The following ZNF391 variants were observed in gnomAD, a reference collection of about 807,000 sequenced individuals.
The protein encoded by ZNF391 is zinc finger protein 391.
For missense variants in ZNF391, 375 were observed against 425.5 expected, an observed-to-expected ratio of 0.88 and a Z score of 1.04; for synonymous variants, 126 against 142.1, an observed-to-expected ratio of 0.89 and a Z score of 0.80.
In ZNF391 at chr6:27,392,842, A is replaced by G. The variant is rs147066869; in HGVS notation, c.-188+3767A>G. 5.9e-3 allele frequency among the ~76,000 whole-genome samples: 897 copies of G among 152,360 alleles called. 7 individuals are homozygous for G. Among genetic ancestry groups the G allele is most frequent in the Middle Eastern group, 0.02 (6 of 294 alleles). Reference sequence around the variant, plus strand: ...TTATTACTTGGCCTTGTGCCAAATTACTTAACTTCTCTGTACTTCACACTA... The same window carrying G: ...TTATTACTTGGCCTTGTGCCAAATTGCTTAACTTCTCTGTACTTCACACTA... On this transcript the variant is annotated intron_variant, in intron 1 of 2. Coordinates refer to ENST00000244576, the MANE Select transcript of ZNF391 (RefSeq NM_001076781.3).
intron 1 of ZNF391, among the ~76,000 whole-genome samples, chr6:27,399,126 A>G (rs999278467): frequency 1.3e-5 from 2 of 152,232 alleles, no homozygotes; most frequent in African/African-American, 4.8e-5. Flanking sequence ...ACATGAACGT[A>G]TTAAAATACA....
At chr6:27,387,843 C>CT (rs1176538367), upstream of ZNF391, among the ~76,000 whole-genome samples, 2 of 152,152 alleles carry the variant, frequency 1.3e-5, no homozygotes, top group Non-Finnish European at 2.9e-5. Flanking sequence ...TACTGTATGA[C>CT]TTTAAAATGG....
chr6:27,389,423 G>A, intron 1 of ZNF391: 1 of 456,220 alleles, frequency 2.2e-6, no homozygotes, highest in Non-Finnish European at 4.4e-6. Context: ...GTTTTTACCT[G>A]CATTAACTCA....
At chr6:27,390,688 T>C (rs1761688316) in intron 1 of ZNF391, among the ~76,000 whole-genome samples, 3 of 152,210 alleles carry the variant, frequency 2.0e-5, no homozygotes, top group African/African-American at 7.2e-5. Flanking sequence ...GGGAGACTCA[T>C]AAATCCTCTG....
In ZNF391 at chr6:27,401,185, C is replaced by A. The variant is rs1221739240; in HGVS notation, c.815C>A (p.Thr272Asn). The change falls in exon 3 of 3, where the codon ACT becomes AAT. Residue 272 changes from threonine to asparagine, a missense_variant. Thr to Asn is a moderately conservative substitution (Grantham distance 65). Transcript: ENST00000244576. ...SSLTEHQRTH[T>N]GENPYECSEC... ...CTTACTGAACATCAGAGAACACACACTGGGGAGAACCCCTATGAGTGCAGT... is the reference window on the plus strand; with the variant it reads ...CTTACTGAACATCAGAGAACACACAATGGGGAGAACCCCTATGAGTGCAGT... 6.2e-7 allele frequency: 1 copy of A among 1,614,166 alleles called. No individual in the cohort carries two copies. Among genetic ancestry groups the A allele is most frequent in the Non-Finnish European group, 8.5e-7 (1 of 1,180,012 alleles).
intron 2 of ZNF391, 37 bp from the exon 3 acceptor site, chr6:27,400,256 A>T: frequency 1.2e-6 from 1 of 861,610 alleles, no homozygotes; most frequent in Non-Finnish European, 1.8e-6. Flanking sequence ...TCTCCATAGT[A>T]GATACAGATG....
chr6:27,386,301 T>C (rs1761581185), upstream of ZNF391, among the ~76,000 whole-genome samples: 1 of 152,184 alleles, frequency 6.6e-6, no homozygotes, highest in Admixed American at 6.5e-5. Flanking sequence ...GTTCATGGGT[T>C]GGAAGACTAA....
At chr6:27,396,268 A>AAT (rs541610857) in intron 1 of ZNF391, among the ~76,000 whole-genome samples, 75 of 152,350 alleles carry the variant, frequency 4.9e-4, no homozygotes, top group South Asian at 1.4e-3. Flanking sequence ...TATGCATTTC[A>AAT]GCATGTAAAT....
At chr6:27,383,270 G>T (rs774302117) in intron 1 of ZNF391, among the ~76,000 whole-genome samples, 11 of 151,480 alleles carry the variant, frequency 7.3e-5, no homozygotes, top group Non-Finnish European at 1.3e-4. Context: ...GACAAAGACA[G>T]GGGGTGGGGA....
chr6:27,383,113 C>T (rs1424467822), intron 1 of ZNF391, among the ~76,000 whole-genome samples: 1 of 151,480 alleles, frequency 6.6e-6, no homozygotes, highest in Non-Finnish European at 1.5e-5. Context: ...GAGCCAGACC[C>T]TGTCTCAAAA....
intron 1 of ZNF391, among the ~76,000 whole-genome samples, chr6:27,389,706 A>T (rs1391951941): frequency 6.6e-6 from 1 of 152,158 alleles, no homozygotes; most frequent in African/African-American, 2.4e-5. Context: ...CGGGAGGCTG[A>T]GGCAGGAGAA....
At chr6:27,381,125 T>C (rs1761494694) in intron 1 of ZNF391, among the ~76,000 whole-genome samples, 1 of 152,124 alleles carries the variant, frequency 6.6e-6, no homozygotes, top group Non-Finnish European at 1.5e-5. Flanking sequence ...GGGGCGGCGC[T>C]CATCGGGGAG....
At chr6:27,397,063 T>G (rs2113657671) in intron 1 of ZNF391, among the ~76,000 whole-genome samples, 1 of 152,324 alleles carries the variant, frequency 6.6e-6, no homozygotes, top group East Asian at 1.9e-4. Context: ...AAATAATGTG[T>G]TAGGCCATTC....
chr6:27,395,372 C>T lies in ZNF391; in HGVS notation c.-187-4070C>T, dbSNP rs1761802548. ...TGTGTAAAAGCGTGTCATCTCCCTG[C>T]CTGCCTTGCTCCTGCTTTCCCTATG... On this transcript the variant is annotated intron_variant, in intron 1 of 2. Coordinates refer to ENST00000244576, the MANE Select transcript of ZNF391 (RefSeq NM_001076781.3). Among the ~76,000 whole-genome samples, 3 of 151,734 alleles carry T rather than the reference C, an allele frequency of 2.0e-5. No homozygotes were observed. In the South Asian group the frequency reaches 6.3e-4, roughly 32 times the overall value.
intron 1 of ZNF391, among the ~76,000 whole-genome samples, chr6:27,383,390 A>G (rs1761537887): frequency 6.6e-6 from 1 of 152,230 alleles, no homozygotes; most frequent in Non-Finnish European, 1.5e-5. Context: ...GAGAACACTG[A>G]GCAAAATAAA....
At chr6:27,375,251 C>A (rs1183329719) in intron 1 of ZNF391, 2 of 152,422 alleles carry the variant, frequency 1.3e-5, no homozygotes. Flanking sequence ...GGCTCTTGTC[C>A]GCAGACTACA....
Position 27,401,323 on chromosome 6 carries a change from C to G in ZNF391, c.953C>G (p.Ser318Ter). ...RVCGKGFSRS[S>*]SLIIHQRTHT... ...TGTGGAAAGGGCTTCAGTCGAAGCT[C>G]ATCCCTTATTATTCATCAGAGAACT... Residue 318 changes from serine to a stop codon, truncating the protein, a stop_gained, in exon 3 of 3, where the codon TCA becomes TGA. Coordinates refer to ENST00000244576, the MANE Select transcript of ZNF391 (RefSeq NM_001076781.3). LOFTEE classifies it low-confidence loss of function (END_TRUNC). 6.2e-7 allele frequency: 1 copy of G among 1,614,130 alleles called. No individual in the cohort carries two copies. Among genetic ancestry groups the G allele is most frequent in the Non-Finnish European group, 8.5e-7 (1 of 1,180,016 alleles).
Position 27,403,232 on chromosome 6 carries a change from C to T in ZNF391, c.*1785C>T, listed in dbSNP as rs3734575. Reference sequence around the variant, plus strand: ...GGTCTTTCATAGTTTGATCTACTTACTTACTTCCTTTCTCTTCTCAAAGAT... The same window carrying T: ...GGTCTTTCATAGTTTGATCTACTTATTTACTTCCTTTCTCTTCTCAAAGAT... On this transcript the variant is annotated 3_prime_UTR_variant, in exon 3 of 3. Transcript: ENST00000244576. 108,186 of 151,976 alleles carry T rather than the reference C, an allele frequency of 0.71. 38,702 individuals carry two copies. Among genetic ancestry groups the T allele is most frequent in the Middle Eastern group, 0.82 (241 of 294 alleles). 9.4% of individuals were successfully genotyped at this position (151,976 alleles called of 1,614,324 possible).
At position 27,389,076 on chromosome 6, in the gene ZNF391, G is replaced by A. The variant is rs1389631155; in HGVS notation, c.-188+1G>A. On this transcript the variant is annotated splice_donor_variant, in intron 1 of 2. Coordinates refer to ENST00000244576, the MANE Select transcript of ZNF391 (RefSeq NM_001076781.3). LOFTEE classifies it low-confidence loss of function (5UTR_SPLICE). ...AGGCTTACAGGGCCCCGGGACCAAG[G>A]TGGGTGCTCTTAGAGGTTCTGGAAA... 1 of 456,646 alleles carries A rather than the reference G, an allele frequency of 2.2e-6. No homozygotes were observed. Among genetic ancestry groups the A allele is most frequent in the African/African-American group, 2.0e-5 (1 of 50,212 alleles). 28.3% of individuals were successfully genotyped at this position (456,646 alleles called of 1,614,324 possible). A position where few individuals can be genotyped will look rare whatever the true frequency, so the allele number is the denominator to read the frequency against.
Sources: gnomAD v4.1 joint callset for allele counts (sites outside exome capture counted in the v4.1 genomes callset) on GRCh38, gnomAD v4.1.1 for gene constraint, MANE v1.5 for transcripts, NCBI Gene and HGNC (gene_info 2026-07-23, HGNC 2026-07-21) for gene names.